Variants in SOX5 observed in about 807,000 individuals in gnomAD.
The protein encoded by SOX5 is transcription factor SOX-5.
A neutral mutation model predicts 92.0 loss-of-function variants in SOX5; 9 were observed. The observed-to-expected ratio is 0.10, with a 90% CI of 0.06 to 0.17. The LOEUF (loss-of-function observed/expected upper bound fraction) is 0.17. SOX5 is among the 10% of genes least tolerant of loss of function. The pLI is 1.00. For synonymous variants in SOX5, 344 were observed against 336.3 expected (o/e 1.02, Z -0.25); for missense variants, 642 against 944.5 (o/e 0.68, Z 4.20).
intron 4 of SOX5, among the ~76,000 whole-genome samples, chr12:24,029,503 G>A (rs1169208545): frequency 1.3e-5 from 2 of 151,572 alleles, no homozygotes; most frequent in African/African-American, 4.8e-5. Context: ...TCAAACATCT[G>A]GACTCAAGCG....
intron 6 of SOX5, among the ~76,000 whole-genome samples, chr12:23,680,610 A>G (rs530133538): frequency 1.6e-4 from 25 of 152,188 alleles, no homozygotes; most frequent in African/African-American, 4.3e-4. Flanking sequence ...TTAATGACTG[A>G]TAACTTTTCT....
At chr12:24,174,820 CAAAAA>C (rs35846392) in intron 4 of SOX5, among the ~76,000 whole-genome samples, 1 of 142,152 alleles carries the variant, frequency 7.0e-6, no homozygotes, top group Admixed American at 7.0e-5. Flanking sequence ...ACTTCCATCT[CAAAAA>C]AAAAAGAAAA....
At chr12:23,830,132 A>G (rs2135571310) in intron 3 of SOX5, among the ~76,000 whole-genome samples, 1 of 152,332 alleles carries the variant, frequency 6.6e-6, no homozygotes, top group Non-Finnish European at 1.5e-5. Flanking sequence ...GTTTCGCTTC[A>G]GTGTTGAAAA....
chr12:23,821,502 C>T (rs1037834703), intron 3 of SOX5, among the ~76,000 whole-genome samples: 10 of 152,154 alleles, frequency 6.6e-5, no homozygotes, highest in African/African-American at 1.4e-4. Context: ...TGTCTTGTGA[C>T]GGTTTTCAAA....
intron 3 of SOX5, among the ~76,000 whole-genome samples, chr12:24,229,123 G>T (rs946169109): frequency 1.3e-5 from 2 of 152,206 alleles, no homozygotes; most frequent in Non-Finnish European, 2.9e-5. Context: ...TTGGGTTGTG[G>T]ATGGCACACG....
intron 2 of SOX5, among the ~76,000 whole-genome samples, chr12:23,889,083 A>C (rs1226398801): frequency 1.3e-5 from 2 of 152,204 alleles, no homozygotes; most frequent in East Asian, 3.8e-4. Flanking sequence ...CATGCTATTA[A>C]ACTGAGCACA....
chr12:24,524,265 C>A (rs1269597403), intron 1 of SOX5, among the ~76,000 whole-genome samples: 1 of 152,174 alleles, frequency 6.6e-6, no homozygotes, highest in Non-Finnish European at 1.5e-5. Context: ...TCAGGGTCTT[C>A]AGCTCAGAGA....
At chr12:23,538,369 A>G (rs1941090341) in intron 13 of SOX5, among the ~76,000 whole-genome samples, 1 of 152,236 alleles carries the variant, frequency 6.6e-6, no homozygotes, top group Non-Finnish European at 1.5e-5. Flanking sequence ...TTCTATTTAC[A>G]GTATAAACTC....
At chr12:23,705,184 C>G (rs550022098) in intron 6 of SOX5, among the ~76,000 whole-genome samples, 1 of 151,930 alleles carries the variant, frequency 6.6e-6, no homozygotes, top group Non-Finnish European at 1.5e-5. Context: ...AAAAGAAAGG[C>G]TGAGATTTAA....
chr12:23,771,201 A>G (rs1262793560), intron 3 of SOX5, among the ~76,000 whole-genome samples: 6 of 151,250 alleles, frequency 4.0e-5, no homozygotes, highest in South Asian at 2.1e-4. Context: ...AAAAAAAAAA[A>G]AAAGAAAGAA....
intron 9 of SOX5, among the ~76,000 whole-genome samples, chr12:23,598,523 C>T (rs1351173967): frequency 1.3e-5 from 2 of 150,982 alleles, no homozygotes; most frequent in South Asian, 2.1e-4. Flanking sequence ...CTCAGCCTCC[C>T]GAGTAGCTGG....
At chr12:23,661,568 T>C (rs554012933) in intron 7 of SOX5, among the ~76,000 whole-genome samples, 1 of 152,352 alleles carries the variant, frequency 6.6e-6, no homozygotes, top group African/African-American at 2.4e-5. Context: ...GGATTTGCTC[T>C]AGGATGAGCA....
intron 2 of SOX5, among the ~76,000 whole-genome samples, chr12:24,302,878 G>A (rs1019014121): frequency 1.3e-5 from 2 of 151,986 alleles, no homozygotes; most frequent in Non-Finnish European, 2.9e-5. Flanking sequence ...TGCTCAGAGT[G>A]GGGAAAATGA....
chr12:23,573,978 C>T (rs1592195094), intron 10 of SOX5, among the ~76,000 whole-genome samples: 3 of 151,314 alleles, frequency 2.0e-5, no homozygotes, highest in Admixed American at 2.0e-4. Flanking sequence ...TGTTACACAG[C>T]AATAAATAAT....
At chr12:23,933,365 G>T (rs1176826429) in intron 1 of SOX5, among the ~76,000 whole-genome samples, 2 of 151,548 alleles carry the variant, frequency 1.3e-5, no homozygotes, top group African/African-American at 4.8e-5. Flanking sequence ...ATCCACTGGG[G>T]GTTGTGGAGC....
intron 6 of SOX5, among the ~76,000 whole-genome samples, chr12:23,719,555 G>A (rs551523005): frequency 3.0e-4 from 46 of 152,140 alleles, no homozygotes; most frequent in African/African-American, 1.1e-3. Context: ...AGACCAGCCT[G>A]GGCAACATAG....
At chr12:23,782,396 G>A (rs1457105268) in intron 3 of SOX5, among the ~76,000 whole-genome samples, 2 of 152,240 alleles carry the variant, frequency 1.3e-5, no homozygotes, top group East Asian at 1.9e-4. Flanking sequence ...TCAGAGATAT[G>A]CAGAAGCAGA....
At chr12:24,242,981 A>G (rs923275505) in intron 3 of SOX5, among the ~76,000 whole-genome samples, 24 of 151,680 alleles carry the variant, frequency 1.6e-4, no homozygotes, top group Admixed American at 9.2e-4. Flanking sequence ...TTAAGGGTAT[A>G]TAACAACAAT....
chr12:24,178,265 T>TTC (rs1555160068), intron 4 of SOX5, among the ~76,000 whole-genome samples: 174 of 116,400 alleles, frequency 1.5e-3, no homozygotes, highest in South Asian at 0.011. Context: ...TTTTTTTTTT[T>TTC]CCCATTTAAG....
Sources: allele counts gnomAD v4.1 joint callset (sites outside exome capture counted in the v4.1 genomes callset), GRCh38; gene constraint gnomAD v4.1.1; transcripts MANE v1.5; gene names NCBI Gene and HGNC (gene_info 2026-07-23, HGNC 2026-07-21).